The following ADGRV1 variants were observed in gnomAD, a reference collection of about 807,000 sequenced individuals.
ADGRV1 encodes the protein adhesion G protein-coupled receptor V1.
In ADGRV1, 359 loss-of-function variants were observed where a neutral mutation model predicts 596.2. The ratio of observed to expected loss-of-function variants is 0.60; its 90% confidence interval spans 0.55 to 0.66. The LOEUF is 0.66. Among genes scored for constraint, ADGRV1 ranks in the 30% least tolerant of loss-of-function variants. The pLI is 0.00. For synonymous variants in ADGRV1, 2,681 were observed against 2,679.2 expected (o/e 1.00, Z -0.02); for missense variants, 7,274 against 7,575.6 (o/e 0.96, Z 1.48).
At chr5:90,672,453 A>T in intron 21 of ADGRV1, 93 bp from the exon 22 acceptor site, 1 of 990,886 alleles carries the variant, frequency 1.0e-6, no homozygotes, top group Non-Finnish European at 1.5e-6. Flanking sequence ...TTGTAGAATT[A>T]AGTTTATGGT....
rs760122265 is a variant in ADGRV1 at position 90,776,505 on chromosome 5, G to A, written c.12456G>A (p.Gly4152=). Reference sequence around the variant, plus strand: ...ATAAGCGAGCATCAGGAGAAGTTGGGATAGCTCCGTCATCTAGGCACATCC... The same window carrying A: ...ATAAGCGAGCATCAGGAGAAGTTGGAATAGCTCCGTCATCTAGGCACATCC... ...RGDKRASGEV[G]IAPSSRHILI... is the part of the protein sequence containing the mutation. The change falls in exon 61 of 90, where the codon GGG becomes GGA. Residue 4152 remains glycine, a synonymous_variant. Coordinates refer to ENST00000405460, the MANE Select transcript of ADGRV1 (RefSeq NM_032119.4). 7.4e-6 allele frequency: 12 copies of A among 1,613,132 alleles called. No individual in the cohort carries two copies. Among genetic ancestry groups the A allele is most frequent in the South Asian group, 1.1e-5 (1 of 91,078 alleles).
rs1754472239 is a variant in ADGRV1, at chr5:90,745,196, C to T, written c.10700C>T (p.Ala3567Val). The T allele has an allele frequency of 1.9e-6, 3 of 1,612,732 alleles. No individual in the cohort carries two copies. Among genetic ancestry groups the T allele is most frequent in the African/African-American group, 1.3e-5 (1 of 75,032 alleles). Reference sequence around the variant, plus strand: ...CTTAATTCAAGCAAGAATTTAATAGCTCTAGTGGGAGCTCATTCACATATA... The same window carrying T: ...CTTAATTCAAGCAAGAATTTAATAGTTCTAGTGGGAGCTCATTCACATATA... ...KSLNSSKNLIALVGAHSHIYE... is the reference protein window; with the variant it reads ...KSLNSSKNLIVLVGAHSHIYE... The change falls in exon 51 of 90, where the codon GCT becomes GTT. Residue 3567 changes from alanine (A) to valine (V), a missense_variant. Coordinates refer to ENST00000405460, the MANE Select transcript of ADGRV1 (RefSeq NM_032119.4).
rs144697994 is a variant in ADGRV1, at chr5:90,887,342, G to C, written c.17856+23485G>C. On this transcript the variant is annotated intron_variant, in intron 83 of 89. Transcript: ENST00000405460. ...GGTTAAATGTCGCCTTTTATGGAGG[G>C]CTTCATCACTCTATTTCACTCTATT... is the stretch of plus-strand genomic sequence containing the variant. 4.8e-3 allele frequency among the ~76,000 whole-genome samples: 731 copies of C among 152,094 alleles called. 5 individuals carry two copies. Among genetic ancestry groups the C allele is most frequent in the African/African-American group, 0.015 (629 of 41,470 alleles).
At chr5:90,910,368 C>A (rs57190680) in intron 83 of ADGRV1, among the ~76,000 whole-genome samples, 35,977 of 152,080 alleles carry the variant, frequency 0.24, 5,153 homozygotes, top group Admixed American at 0.4. Flanking sequence ...TATCCAAATG[C>A]CTTTGACAAA....
chr5:90,716,531 C>CT lies in ADGRV1; in HGVS notation c.9254dup (p.Leu3086ProfsTer44), dbSNP rs2149743833. 6.2e-7 allele frequency: 1 copy of CT among 1,612,130 alleles called. No individual in the cohort carries two copies. Among genetic ancestry groups the CT allele is most frequent in the Non-Finnish European group, 8.5e-7 (1 of 1,178,856 alleles). ...TTCTATCATTTAACAACAGTGAGCACTTTTTCCTAAGAGAGCCAACAGCTC... is the reference window on the plus strand; with the variant it reads ...TTCTATCATTTAACAACAGTGAGCACTTTTTTCCTAAGAGAGCCAACAGCTC... On this transcript the variant is annotated frameshift_variant, in exon 43 of 90. Coordinates refer to ENST00000405460, the MANE Select transcript of ADGRV1 (RefSeq NM_032119.4). LOFTEE classifies it high-confidence loss of function.
intron 83 of ADGRV1, among the ~76,000 whole-genome samples, chr5:90,912,300 CAGA>C (rs1329908055): frequency 8.5e-5 from 13 of 152,204 alleles, no homozygotes; most frequent in Non-Finnish European, 1.3e-4. Context: ...AGCAGCTGGA[CAGA>C]AGCACCTGTG....
intron 85 of ADGRV1, among the ~76,000 whole-genome samples, chr5:91,038,915 T>G (rs2151266210): frequency 6.6e-6 from 1 of 152,284 alleles, no homozygotes; most frequent in East Asian, 1.9e-4. Flanking sequence ...TGATCCCTTT[T>G]AAGCTGTATA....
At chr5:90,564,960 C>G (rs1483639998) in intron 1 of ADGRV1, among the ~76,000 whole-genome samples, 1 of 150,842 alleles carries the variant, frequency 6.6e-6, no homozygotes, top group Non-Finnish European at 1.5e-5. Context: ...GTGGCCTGGG[C>G]GTGGTGGCTC....
At chr5:91,084,013 G>T (rs1016083090) in intron 86 of ADGRV1, among the ~76,000 whole-genome samples, 2 of 152,066 alleles carry the variant, frequency 1.3e-5, no homozygotes, top group African/African-American at 4.8e-5. Flanking sequence ...TCCTATTCAT[G>T]TTACTGTGGT....
At chr5:90,596,915 C>T (rs563019289) in intron 1 of ADGRV1, among the ~76,000 whole-genome samples, 1 of 152,258 alleles carries the variant, frequency 6.6e-6, no homozygotes, top group African/African-American at 2.4e-5. Context: ...ACTAAACACA[C>T]TTCTTAAAAC....
At chr5:90,733,688 A>G (rs1288209592) in intron 50 of ADGRV1, among the ~76,000 whole-genome samples, 1 of 152,220 alleles carries the variant, frequency 6.6e-6, no homozygotes. Flanking sequence ...ATTATATTAC[A>G]CATATTGAGT....
intron 67 of ADGRV1, among the ~76,000 whole-genome samples, chr5:90,787,791 A>G (rs1383842682): frequency 1.3e-5 from 2 of 151,536 alleles, no homozygotes; most frequent in Non-Finnish European, 2.9e-5. Flanking sequence ...GGGTTTCACC[A>G]TGTTGGCCAG....
At chr5:90,914,968 G>A (rs1206656025) in intron 83 of ADGRV1, among the ~76,000 whole-genome samples, 1 of 152,158 alleles carries the variant, frequency 6.6e-6, no homozygotes, top group African/African-American at 2.4e-5. Flanking sequence ...TGGATGAGTT[G>A]TGATGTAACT....
chr5:90,849,219 A>G (rs12657829), intron 79 of ADGRV1, among the ~76,000 whole-genome samples: 4,252 of 152,224 alleles, frequency 0.028, 264 homozygotes, highest in East Asian at 0.27. Context: ...CCATTTGGAG[A>G]CAACTCTCAG....
chr5:90,694,053 G>C lies in ADGRV1; in HGVS notation c.7297G>C (p.Gly2433Arg). The change falls in exon 33 of 90, where the codon GGG becomes CGG. Residue 2433 changes from glycine to arginine, a missense_variant. Coordinates refer to ENST00000405460, the MANE Select transcript of ADGRV1 (RefSeq NM_032119.4). Reference sequence around the variant, plus strand: ...AACTTGGATGAATGTCTCTGCCGTGGGGGAGCCCCTGTATACCTGTGCCAC... The same window carrying C: ...AACTTGGATGAATGTCTCTGCCGTGCGGGAGCCCCTGTATACCTGTGCCAC... ...WRTWMNVSAVGEPLYTCATLC... is the reference protein window; with the variant it reads ...WRTWMNVSAVREPLYTCATLC... 2 of 1,613,814 alleles carry C rather than the reference G, an allele frequency of 1.2e-6. No individual in the cohort carries two copies. Among genetic ancestry groups the C allele is most frequent in the Non-Finnish European group, 1.7e-6 (2 of 1,179,842 alleles).
At chr5:91,116,778 C>G (rs1792883512) in intron 87 of ADGRV1, among the ~76,000 whole-genome samples, 1 of 152,070 alleles carries the variant, frequency 6.6e-6, no homozygotes, top group South Asian at 2.1e-4. Context: ...TACTGTCAGT[C>G]TTGGAAACTC....
At chr5:90,758,469 G>A (rs1247135784) in intron 57 of ADGRV1, among the ~76,000 whole-genome samples, 2 of 152,178 alleles carry the variant, frequency 1.3e-5, no homozygotes, top group African/African-American at 2.4e-5. Flanking sequence ...CTGTGCATGA[G>A]GTTCAAGTTC....
At chr5:90,740,866 G>T (rs933328722) in intron 50 of ADGRV1, among the ~76,000 whole-genome samples, 1 of 152,128 alleles carries the variant, frequency 6.6e-6, no homozygotes, top group African/African-American at 2.4e-5. Context: ...TGCTGGCTTG[G>T]GGGAGGGGCA....
intron 83 of ADGRV1, among the ~76,000 whole-genome samples, chr5:90,915,229 A>G (rs971838004): frequency 7.2e-5 from 11 of 152,212 alleles, no homozygotes; most frequent in African/African-American, 2.4e-4. Context: ...CTTTAGGATA[A>G]TATATTCTTA....
Sources: gnomAD v4.1 joint callset for allele counts (sites outside exome capture counted in the v4.1 genomes callset) on GRCh38, gnomAD v4.1.1 for gene constraint, MANE v1.5 for transcripts, NCBI Gene and HGNC (gene_info 2026-07-23, HGNC 2026-07-21) for gene names.